Variants in GPC6 observed in about 807,000 individuals in gnomAD.
GPC6 encodes the protein glypican-6.
GPC6 carries 14 observed loss-of-function variants against 55.2 expected under a neutral mutation model. That is an observed-to-expected ratio of 0.25 (90% CI 0.17 to 0.40). GPC6 has a LOEUF of 0.40. Ranked by LOEUF, GPC6 falls within the 10% of genes least tolerant of loss-of-function variation. The pLI is 1.00. For synonymous variants in GPC6, 278 were observed against 259.6 expected (o/e 1.07, Z -0.68); for missense variants, 641 against 708.5 (o/e 0.90, Z 1.08).
At chr13:93,329,729 C>T (rs562200242) in intron 1 of GPC6, among the ~76,000 whole-genome samples, 7 of 152,054 alleles carry the variant, frequency 4.6e-5, no homozygotes, top group Admixed American at 2.0e-4. Context: ...ACACCGCAAG[C>T]GTAAGTGGAA....
chr13:93,972,709 A>T (rs978139929), intron 3 of GPC6, among the ~76,000 whole-genome samples: 2 of 152,202 alleles, frequency 1.3e-5, no homozygotes, highest in African/African-American at 2.4e-5. Flanking sequence ...CTTCTAAGTT[A>T]GAGAATGCTA....
Position 94,403,279 on chromosome 13 carries a change from T to A in GPC6, c.*62T>A. The stretch of plus-strand genomic sequence containing the variant: ...TATCTGAATGGCCAACTCACTTCTT[T>A]TCTTACACTCTTGGACAATGGACCA... On this transcript the variant is annotated 3_prime_UTR_variant, in exon 9 of 9. Coordinates refer to ENST00000377047, the MANE Select transcript of GPC6 (RefSeq NM_005708.5). 2 of 1,169,002 alleles carry A rather than the reference T, an allele frequency of 1.7e-6. No homozygotes were observed. The allele number at this position is 1,169,002 out of a possible 1,614,324, so 72.4% of individuals were successfully genotyped here. A position where few individuals can be genotyped will look rare whatever the true frequency, so the allele number is the denominator to read the frequency against.
At chr13:93,777,079 TC>T (rs1314377967) in intron 2 of GPC6, among the ~76,000 whole-genome samples, 2 of 152,178 alleles carry the variant, frequency 1.3e-5, no homozygotes, top group African/African-American at 4.8e-5. Context: ...AGGACATACT[TC>T]CCATTCCTCA....
At chr13:94,207,309 A>G (rs1315313082) in intron 4 of GPC6, among the ~76,000 whole-genome samples, 4 of 152,210 alleles carry the variant, frequency 2.6e-5, no homozygotes. Flanking sequence ...ATTTAAAAAC[A>G]ATTAGCAACC....
intron 4 of GPC6, among the ~76,000 whole-genome samples, chr13:94,216,494 TCTTAC>T (rs1890227900): frequency 6.6e-6 from 1 of 152,242 alleles, no homozygotes; most frequent in Non-Finnish European, 1.5e-5. Context: ...ATTCCTAGTC[TCTTAC>T]CTTACCTTTT....
At chr13:93,544,154 A>AG (rs1255079859) in intron 1 of GPC6, among the ~76,000 whole-genome samples, 1 of 152,076 alleles carries the variant, frequency 6.6e-6, no homozygotes, top group Non-Finnish European at 1.5e-5. Context: ...AAAGAAAAAA[A>AG]AATGACTTCA....
chr13:93,843,153 ATATATCTGGG>A (rs914681148), intron 3 of GPC6, among the ~76,000 whole-genome samples: 1 of 150,010 alleles, frequency 6.7e-6, no homozygotes, highest in African/African-American at 2.5e-5. Context: ...TTTGCTGCCG[ATATATCTGGG>A]TATCTCTTAC....
intron 1 of GPC6, among the ~76,000 whole-genome samples, chr13:93,308,935 A>G (rs1423028177): frequency 6.6e-6 from 1 of 152,210 alleles, no homozygotes; most frequent in Non-Finnish European, 1.5e-5. Context: ...CCTCTTAAAC[A>G]TTCCTGTTTG....
At chr13:93,997,241 C>T (rs927534400) in intron 3 of GPC6, among the ~76,000 whole-genome samples, 1 of 152,148 alleles carries the variant, frequency 6.6e-6, no homozygotes, top group Admixed American at 6.6e-5. Flanking sequence ...GGAGACATCA[C>T]TTTGAGCTAC....
intron 3 of GPC6, among the ~76,000 whole-genome samples, chr13:94,027,251 C>G (rs1025015376): frequency 2.0e-5 from 3 of 152,124 alleles, no homozygotes; most frequent in African/African-American, 7.2e-5. Flanking sequence ...TCCATTGCTT[C>G]TAAGCAGGCC....
At chr13:93,620,523 G>A (rs1478417534) in intron 2 of GPC6, among the ~76,000 whole-genome samples, 1 of 152,184 alleles carries the variant, frequency 6.6e-6, no homozygotes, top group African/African-American at 2.4e-5. Context: ...TCTAAGTCAT[G>A]AGTAAACTTT....
At chr13:93,696,233 C>T (rs1019535041) in intron 2 of GPC6, among the ~76,000 whole-genome samples, 5 of 152,110 alleles carry the variant, frequency 3.3e-5, no homozygotes, top group African/African-American at 1.2e-4. Flanking sequence ...CTTGATAAGA[C>T]AGAAAGCATC....
chr13:93,285,487 A>C (rs920703242), intron 1 of GPC6, among the ~76,000 whole-genome samples: 30 of 152,270 alleles, frequency 2.0e-4, no homozygotes, highest in Admixed American at 9.2e-4. Flanking sequence ...TAGACTACAA[A>C]TCATGGTTTT....
chr13:94,011,793 A>G (rs940283497), intron 3 of GPC6, among the ~76,000 whole-genome samples: 1 of 152,156 alleles, frequency 6.6e-6, no homozygotes, highest in African/African-American at 2.4e-5. Context: ...CATTCATTCA[A>G]ACAAATTCTC....
At chr13:93,840,164 T>C (rs1191986648) in intron 3 of GPC6, among the ~76,000 whole-genome samples, 1 of 152,108 alleles carries the variant, frequency 6.6e-6, no homozygotes, top group Non-Finnish European at 1.5e-5. Context: ...AAGCTGGTTC[T>C]TTGAAAAGAT....
At chr13:94,336,528 G>T (rs1186651758) in intron 6 of GPC6, among the ~76,000 whole-genome samples, 3 of 152,090 alleles carry the variant, frequency 2.0e-5, no homozygotes, top group Non-Finnish European at 4.4e-5. Flanking sequence ...AGTCTCACTG[G>T]ATTGCGCTGT....
At position 93,846,256 on chromosome 13, in the gene GPC6, A is replaced by T. The variant is rs924528337; in HGVS notation, c.711+15711A>T. 2.0e-5 allele frequency among the ~76,000 whole-genome samples: 3 copies of T among 152,164 alleles called. No homozygotes were observed. The South Asian group carries it at 6.2e-4, about 31-fold the overall frequency. ...TCAATGTAATGCAAGCTAACAAATG[A>T]TTACTTGCCAGCCACTATGCTAAGT... On this transcript the variant is annotated intron_variant, in intron 3 of 8. Transcript: ENST00000377047.
intron 1 of GPC6, among the ~76,000 whole-genome samples, chr13:93,302,234 G>C (rs188169917): frequency 4.1e-4 from 62 of 152,224 alleles, no homozygotes; most frequent in African/African-American, 1.4e-3. Flanking sequence ...TGTGTTTCCT[G>C]CCTGAGACAA....
At chr13:93,624,838 C>G (rs1879134014) in intron 2 of GPC6, among the ~76,000 whole-genome samples, 1 of 152,076 alleles carries the variant, frequency 6.6e-6, no homozygotes, top group Non-Finnish European at 1.5e-5. Flanking sequence ...GAAGATAAAC[C>G]TATTCATAAG....
Sources: allele counts gnomAD v4.1 joint callset (sites outside exome capture counted in the v4.1 genomes callset), GRCh38; gene constraint gnomAD v4.1.1; transcripts MANE v1.5; gene names NCBI Gene and HGNC (gene_info 2026-07-23, HGNC 2026-07-21).